KLHL15: variants seen among roughly 807,000 people sequenced by gnomAD.
The protein encoded by KLHL15 is kelch like family member 15, also known as kelch-like protein 15.
A neutral mutation model predicts 29.3 loss-of-function variants in KLHL15; 1 was observed. The observed-to-expected ratio is 0.03, with a 90% CI of 0.01 to 0.16. The LOEUF is 0.16. Among genes scored for constraint, KLHL15 ranks in the 10% least tolerant of loss-of-function variants. KLHL15 has a pLI of 1.00. For missense variants in KLHL15, 215 were observed against 478.5 expected (o/e 0.45, Z 5.14); for synonymous variants, 212 against 184.5 (o/e 1.15, Z -1.21).
chrX:24,023,707 G>A (rs1466621291), intron 2 of KLHL15, among the ~76,000 whole-genome samples: 1 of 112,172 alleles, frequency 8.9e-6, no homozygotes, highest in Non-Finnish European at 1.9e-5. Flanking sequence ...AATGAAGAGT[G>A]CAAGTTAACA....
intron 1 of KLHL15, among the ~76,000 whole-genome samples, chrX:24,025,807 C>G (rs1413950436): frequency 8.1e-5 from 9 of 110,621 alleles, no homozygotes; most frequent in Non-Finnish European, 1.7e-4. Context: ...GGTTTCCCAC[C>G]GAGGAAAACA....
intron 2 of KLHL15, among the ~76,000 whole-genome samples, chrX:24,008,878 A>AAAC (rs201794137): frequency 0.12 from 13,414 of 107,369 alleles, 886 homozygotes; most frequent in South Asian, 0.21. Flanking sequence ...TTAGAAAAAA[A>AAAC]AAAAACAAAA....
Position 24,012,628 on chromosome X carries a change from T to A in KLHL15, c.-7-5928A>T, listed in dbSNP as rs934706457. Among the ~76,000 whole-genome samples the A allele has an allele frequency of 1.2e-4, 13 of 112,150 alleles. No individual in the cohort carries two copies. The Admixed American group carries it at 1.2e-3, about 11-fold the overall frequency. ...TGGATAATCTCTGTCAAGATCTCCATCCTTACTCCAGTCCATATATATGTG... is the reference window on the plus strand; with the variant it reads ...TGGATAATCTCTGTCAAGATCTCCAACCTTACTCCAGTCCATATATATGTG... On this transcript the variant is annotated intron_variant, in intron 2 of 3. Transcript: ENST00000328046.
rs1445317774 is a variant in KLHL15 at position 23,986,385 on chromosome X, A to G, written c.*1536T>C. On this transcript the variant is annotated 3_prime_UTR_variant, in exon 4 of 4. Coordinates refer to ENST00000328046, the MANE Select transcript of KLHL15 (RefSeq NM_030624.3). ...TAGAAGGCATTGCAATATTGCACCA[A>G]TATTCTAAGATCTGGCAAGTTTTGC... The G allele has an allele frequency of 8.9e-6, 1 of 112,563 alleles. No individual in the cohort carries two copies. The highest frequency in any genetic ancestry group is 1.9e-5 in the Non-Finnish European group (1 of 53,257). 9.3% of individuals were successfully genotyped at this position (112,563 alleles called of 1,213,427 possible).
At chrX:23,997,462 G>A (rs1457025316) in intron 3 of KLHL15, among the ~76,000 whole-genome samples, 1 of 109,815 alleles carries the variant, frequency 9.1e-6, no homozygotes, top group Non-Finnish European at 1.9e-5. Flanking sequence ...TTTTGGCCAG[G>A]CGGGGTGGCT....
intron 3 of KLHL15, among the ~76,000 whole-genome samples, chrX:23,997,282 A>G (rs986086031): frequency 3.6e-5 from 4 of 112,131 alleles, no homozygotes; most frequent in Non-Finnish European, 7.5e-5. Context: ...CACTATTAGA[A>G]ATGTAAAAGG....
intron 3 of KLHL15, among the ~76,000 whole-genome samples, chrX:24,003,957 TAA>T (rs373003607): frequency 1.3e-4 from 11 of 86,104 alleles, no homozygotes; most frequent in East Asian, 3.6e-4. Flanking sequence ...AAAAGTATAC[TAA>T]AAAAAAAAAA....
rs1929888774 is a variant in KLHL15, at chrX:24,024,902, G to A, written c.-53C>T. 6.7e-6 allele frequency: 2 copies of A among 297,587 alleles called. No individual in the cohort carries two copies. The highest frequency in any genetic ancestry group is 5.9e-6 in the Non-Finnish European group (1 of 170,056). 24.5% of individuals were successfully genotyped at this position (297,587 alleles called of 1,213,427 possible). On this transcript the variant is annotated 5_prime_UTR_variant, in exon 2 of 4. Coordinates refer to ENST00000328046, the MANE Select transcript of KLHL15 (RefSeq NM_030624.3). ...CTCTAGTGGACGGCAGTCTGCATCA[G>A]GAAGAACCGGGCCAGCGGGCCGATG...
chrX:24,016,943 A>C (rs898778051), intron 2 of KLHL15, among the ~76,000 whole-genome samples: 17 of 111,322 alleles, frequency 1.5e-4, no homozygotes, highest in Non-Finnish European at 3.2e-4. Flanking sequence ...AGATGAAGAC[A>C]GTAATAATGT....
rs758898557 is a variant in KLHL15, at chrX:23,997,591, C to T, written c.705+8398G>A. On this transcript the variant is annotated intron_variant, in intron 3 of 3. Transcript: ENST00000328046. ...ACTAAAAATACAAAAATTATCTGGG[C>T]GTGGTGGTGTGCACCCGTAGTCCCA... Among the ~76,000 whole-genome samples the T allele has an allele frequency of 1.5e-4, 16 of 106,763 alleles. No individual in the cohort carries two copies. In the East Asian group the frequency reaches 3.0e-3, roughly 20 times the overall value. 92.7% of individuals were successfully genotyped at this position (106,763 alleles called of 115,157 possible). A position where few individuals can be genotyped will look rare whatever the true frequency, so the allele number is the denominator to read the frequency against.
At chrX:24,025,574 C>A (rs757536664) in intron 1 of KLHL15, among the ~76,000 whole-genome samples, 11 of 108,865 alleles carry the variant, frequency 1.0e-4, no homozygotes, top group Admixed American at 4.7e-4. Flanking sequence ...GAGGCCCCCC[C>A]CTCGGCCCCT....
chrX:24,007,509 ATATATATAT>A (rs778826208), intron 2 of KLHL15, among the ~76,000 whole-genome samples: 2 of 34,745 alleles, frequency 5.8e-5, no homozygotes, highest in East Asian at 1.0e-3. Context: ...AAAAAAAAAA[ATATATATAT>A]ATATATATAT....
intron 2 of KLHL15, among the ~76,000 whole-genome samples, chrX:24,020,508 T>TC (rs1312447995): frequency 9.0e-6 from 1 of 111,661 alleles, no homozygotes; most frequent in Non-Finnish European, 1.9e-5. Flanking sequence ...GGGCCCTGGG[T>TC]CCTCCAGCCT....
chrX:23,993,707 G>A (rs1056605624), intron 3 of KLHL15, among the ~76,000 whole-genome samples: 1 of 109,480 alleles, frequency 9.1e-6, no homozygotes, highest in Non-Finnish European at 1.9e-5. Context: ...GCAGCTGTAG[G>A]AACAAAACTG....
chrX:24,008,293 T>C (rs1929495606), intron 2 of KLHL15, among the ~76,000 whole-genome samples: 1 of 112,116 alleles, frequency 8.9e-6, no homozygotes, highest in Non-Finnish European at 1.9e-5. Flanking sequence ...CAGGCTGGAG[T>C]GCAGTGGCAC....
In KLHL15 at chrX:23,988,007, G is replaced by A. The variant is rs750928286; in HGVS notation, c.1729C>T (p.Arg577Trp). Residue 577 changes from arginine (R) to tryptophan (W), a missense_variant, in exon 4 of 4, where the codon CGG (arginine) becomes TGG (tryptophan). Coordinates refer to ENST00000328046, the MANE Select transcript of KLHL15 (RefSeq NM_030624.3). ...ENKWKEDEYPRMPCKLDGLQV... is the reference protein window; with the variant it reads ...ENKWKEDEYPWMPCKLDGLQV... ...AAACCATCCAGCTTGCAGGGCATCC[G>A]AGGGTACTCATCTTCCTTCCACTTG... 1 of 1,209,009 alleles carries A rather than the reference G, an allele frequency of 8.3e-7. No homozygotes were observed. The highest frequency in any genetic ancestry group is 1.1e-6 in the Non-Finnish European group (1 of 894,509).
chrX:24,007,923 A>T (rs1929487016), intron 2 of KLHL15, among the ~76,000 whole-genome samples: 1 of 101,195 alleles, frequency 9.9e-6, no homozygotes, highest in African/African-American at 3.3e-5. Context: ...CAGATATTGT[A>T]TGAAAAAAAA....
intron 2 of KLHL15, among the ~76,000 whole-genome samples, chrX:24,021,656 T>A (rs1929806904): frequency 9.0e-6 from 1 of 111,621 alleles, no homozygotes; most frequent in Non-Finnish European, 1.9e-5. Flanking sequence ...TTTGTATCCA[T>A]CCCCGACTTA....
chrX:24,026,118 C>A (rs190391692), intron 1 of KLHL15, among the ~76,000 whole-genome samples: 2 of 112,344 alleles, frequency 1.8e-5, no homozygotes, highest in Admixed American at 1.9e-4. Flanking sequence ...CAAATGACAT[C>A]ATTTTTTGTA....
Sources: gnomAD v4.1 joint callset for allele counts (sites outside exome capture counted in the v4.1 genomes callset) on GRCh38, gnomAD v4.1.1 for gene constraint, MANE v1.5 for transcripts, NCBI Gene and HGNC (gene_info 2026-07-23, HGNC 2026-07-21) for gene names.